The following RCN3 variants were observed in gnomAD, a reference collection of about 807,000 sequenced individuals.
RCN3 encodes reticulocalbin 3, also known as reticulocalbin-3.
In RCN3, 41 loss-of-function variants were observed where a neutral mutation model predicts 35.9. The observed-to-expected ratio is 1.14, with a 90% confidence interval of 0.89 to 1.48. The LOEUF is 1.48. RCN3 is among the 40% of genes most tolerant of loss of function. The probability of loss-of-function intolerance (pLI) is 0.00; values close to 1 mark genes in which losing one functional copy is unlikely to be tolerated. For missense variants in RCN3, 451 were observed against 471.3 expected, an observed-to-expected ratio of 0.96 and a Z score of 0.40; for synonymous variants, 187 against 193.4, an observed-to-expected ratio of 0.97 and a Z score of 0.27.
chr19:49,530,034 C>G (rs190937552), intron 2 of RCN3, among the ~76,000 whole-genome samples: 16 of 152,130 alleles, frequency 1.1e-4, no homozygotes, highest in African/African-American at 3.6e-4. Context: ...TCAGTGGAAC[C>G]TCCGCCTCCC....
chr19:49,528,688 C>A lies in RCN3; in HGVS notation c.216C>A (p.Thr72=). ...REVAKEFDQL[T]PEESQARLGR... ...TGGCCAAGGAATTCGACCAACTCAC[C>A]CCAGAGGAAAGCCAGGCCCGTCTGG... Residue 72 remains threonine, a synonymous_variant, in exon 2 of 7, where the codon ACC becomes ACA. Transcript: ENST00000270645. 6.2e-7 allele frequency: 1 copy of A among 1,603,090 alleles called. No homozygotes were observed. The highest frequency in any genetic ancestry group is 8.5e-7 in the Non-Finnish European group (1 of 1,174,594).
Position 49,532,482 on chromosome 19 carries a change from TCTC to T in RCN3, c.243-1708_243-1706del, listed in dbSNP as rs576762681. Among the ~76,000 whole-genome samples, 44 of 151,006 alleles carry T rather than the reference TCTC, an allele frequency of 2.9e-4. 1 individual carries two copies. The South Asian group carries it at 9.2e-3, about 32-fold the overall frequency. On this transcript the variant is annotated intron_variant, in intron 2 of 6. Coordinates refer to ENST00000270645, the MANE Select transcript of RCN3 (RefSeq NM_020650.3). ...CCTACGCCTCCTGGGTTCAAGCAAT[TCTC>T]CTGCCTCAGCCTCCCGAGTAGTGGA...
At chr19:49,538,549 C>G (rs1568711559) in intron 4 of RCN3, among the ~76,000 whole-genome samples, 1 of 151,412 alleles carries the variant, frequency 6.6e-6, no homozygotes, top group Non-Finnish European at 1.5e-5. Context: ...TGGGCTCAAT[C>G]GATCCTCCCG....
intron 3 of RCN3, among the ~76,000 whole-genome samples, chr19:49,535,135 C>G (rs1266961769): frequency 6.6e-6 from 1 of 152,214 alleles, no homozygotes; most frequent in African/African-American, 2.4e-5. Context: ...GTCCCACTCC[C>G]CAGCCGGGAC....
Position 49,539,106 on chromosome 19 carries a change from C to T in RCN3, c.619-13C>T. 1 of 1,591,572 alleles carries T rather than the reference C, an allele frequency of 6.3e-7. No homozygotes were observed. The highest frequency in any genetic ancestry group is 8.5e-7 in the Non-Finnish European group (1 of 1,170,892). Reference sequence around the variant, plus strand: ...TCATCGGCCCCCAGCCTCAATGCCCCTTTCTCCTCCAGGAAACCCTGGAGG... The same window carrying T: ...TCATCGGCCCCCAGCCTCAATGCCCTTTTCTCCTCCAGGAAACCCTGGAGG... On this transcript the variant is annotated splice_polypyrimidine_tract_variant and intron_variant, in intron 4 of 6. Coordinates refer to ENST00000270645, the MANE Select transcript of RCN3 (RefSeq NM_020650.3).
chr19:49,531,214 G>A (rs1215724982), intron 2 of RCN3, among the ~76,000 whole-genome samples: 2 of 152,110 alleles, frequency 1.3e-5, no homozygotes, highest in Non-Finnish European at 2.9e-5. Flanking sequence ...AGATACTAGG[G>A]AGGCTGAGGA....
In RCN3 at chr19:49,541,351, A is replaced by G. The variant is rs566003167; in HGVS notation, c.680-1202A>G. Among the ~76,000 whole-genome samples the G allele has an allele frequency of 2.0e-5, 3 of 152,284 alleles. No individual in the cohort carries two copies. The South Asian group carries it at 6.2e-4, about 32-fold the overall frequency. On this transcript the variant is annotated intron_variant, in intron 5 of 6. Transcript: ENST00000270645. ...CCTGAGGCCCAGGGGGGTTGAAGGG[A>G]TCTGCTGAAGACAATGGGAAGAGGC... is the stretch of plus-strand genomic sequence containing the variant.
chr19:49,530,039 C>T (rs2080100854), intron 2 of RCN3, among the ~76,000 whole-genome samples: 1 of 152,096 alleles, frequency 6.6e-6, no homozygotes, highest in Non-Finnish European at 1.5e-5. Flanking sequence ...GGAACCTCCG[C>T]CTCCCGGGTT....
intron 4 of RCN3, 121 bp from the exon 5 acceptor site, chr19:49,538,998 C>T (rs985694274): frequency 1.8e-5 from 11 of 626,772 alleles, no homozygotes; most frequent in Non-Finnish European, 2.7e-5. Flanking sequence ...CTACTGCCTG[C>T]CTCCCACAGC....
Position 49,528,446 on chromosome 19 carries a change from CT to C in RCN3, c.-6-20del. 1.4e-6 allele frequency: 2 copies of C among 1,478,244 alleles called. No homozygotes were observed. Among genetic ancestry groups the C allele is most frequent in the Non-Finnish European group, 1.8e-6 (2 of 1,114,042 alleles). 91.6% of individuals were successfully genotyped at this position (1,478,244 alleles called of 1,614,324 possible). ...TCCCCATCCCTGTGACCCCTGACCC[CT>C]GGCCTTTGCCACTCCCCAGGGACCG... On this transcript the variant is annotated intron_variant, in intron 1 of 6. Transcript: ENST00000270645.
intron 2 of RCN3, among the ~76,000 whole-genome samples, chr19:49,533,588 AT>A (rs2080119239): frequency 6.6e-6 from 1 of 151,950 alleles, no homozygotes. Flanking sequence ...GTTGCGGGTG[AT>A]GGTCCTCAGG....
intron 3 of RCN3, 26 bp downstream of exon 3, chr19:49,534,421 T>A: frequency 6.5e-7 from 1 of 1,534,946 alleles, no homozygotes; most frequent in Non-Finnish European, 8.7e-7. Context: ...CCGACCCTGC[T>A]CCCCATACAC....
chr19:49,534,513 TACCC>T, intron 3 of RCN3, 118 bp downstream of exon 3: 1 of 1,022,492 alleles, frequency 9.8e-7, no homozygotes, highest in South Asian at 1.6e-5. Flanking sequence ...AACCAGGCTC[TACCC>T]ACTTTTAGGA....
chr19:49,528,277 A>G (rs2080091277), intron 1 of RCN3, 190 bp from the exon 2 acceptor site: 1 of 515,432 alleles, frequency 1.9e-6, no homozygotes, highest in East Asian at 3.1e-5. Flanking sequence ...GGTCCTCCCC[A>G]TAGGTGGCTT....
chr19:49,537,065 A>T lies in RCN3; in HGVS notation c.478A>T (p.Thr160Ser), dbSNP rs780325498. ...ATTTCATGACGTGGAGGATGCAGAGACCTACAAAAAGATGCTGGCTCGGGA... is the reference window on the plus strand; with the variant it reads ...ATTTCATGACGTGGAGGATGCAGAGTCCTACAAAAAGATGCTGGCTCGGGA... ...EEFHDVEDAETYKKMLARDER... is the reference protein window; with the variant it reads ...EEFHDVEDAESYKKMLARDER... The change falls in exon 4 of 7, where the codon ACC becomes TCC. Residue 160 changes from threonine to serine, a missense_variant. By Grantham distance (58) the Thr-to-Ser change is moderately conservative. Coordinates refer to ENST00000270645, the MANE Select transcript of RCN3 (RefSeq NM_020650.3). 1.3e-6 allele frequency: 2 copies of T among 1,575,026 alleles called. No homozygotes were observed. Among genetic ancestry groups the T allele is most frequent in the Non-Finnish European group, 1.7e-6 (2 of 1,157,952 alleles).
intron 6 of RCN3, 49 bp from the exon 7 acceptor site, chr19:49,543,057 T>G: frequency 1.3e-6 from 2 of 1,502,872 alleles, no homozygotes; most frequent in East Asian, 2.3e-5. Context: ...GGGAGGGCTT[T>G]TGAAAGCAGG....
intron 4 of RCN3, among the ~76,000 whole-genome samples, chr19:49,538,168 T>G (rs1265417017): frequency 2.7e-5 from 4 of 149,432 alleles, no homozygotes; most frequent in East Asian, 2.0e-4. Context: ...AATGTTTTTT[T>G]TTTTTTTTTT....
Position 49,537,160 on chromosome 19 carries a change from C to T in RCN3, c.573C>T (p.Phe191=), listed in dbSNP as rs1272776993. Residue 191 remains phenylalanine, a synonymous_variant, in exon 4 of 7, where the codon TTC becomes TTT. Coordinates refer to ENST00000270645, the MANE Select transcript of RCN3 (RefSeq NM_020650.3). ...SMATREELTA[F]LHPEEFPHMR... ...CCACTCGAGAGGAGCTGACAGCCTT[C>T]CTGCACCCCGAGGAGTTCCCTCACA... 2 of 1,582,056 alleles carry T rather than the reference C, an allele frequency of 1.3e-6. No individual in the cohort carries two copies. Among genetic ancestry groups the T allele is most frequent in the Middle Eastern group, 1.7e-4 (1 of 5,952 alleles).
rs902695202 is a variant in RCN3, at chr19:49,533,426, T to C, written c.243-767T>C. On this transcript the variant is annotated intron_variant, in intron 2 of 6. Transcript: ENST00000270645. ...GGGAGAGGACCGGCCTGGCAAGGCG[T>C]CACCAAGGGAGAGGAGAGGGGCCCG... Among the ~76,000 whole-genome samples the C allele has an allele frequency of 2.6e-4, 39 of 151,886 alleles. 1 individual carries two copies.
Sources: allele counts gnomAD v4.1 joint callset (sites outside exome capture counted in the v4.1 genomes callset), GRCh38; gene constraint gnomAD v4.1.1; transcripts MANE v1.5; gene names NCBI Gene and HGNC (gene_info 2026-07-23, HGNC 2026-07-21).